The following TRABD2B variants were observed in gnomAD, a reference collection of about 807,000 sequenced individuals.
The protein encoded by TRABD2B is TraB domain containing 2B.
Under a neutral mutation model 40.1 loss-of-function variants are expected in TRABD2B, and 14 were observed. The observed-to-expected ratio is 0.35, with a 90% CI of 0.23 to 0.55. The LOEUF (loss-of-function observed/expected upper bound fraction) is 0.55. TRABD2B is among the 20% of genes least tolerant of loss of function. The probability of loss-of-function intolerance (pLI) is 0.90; values close to 1 mark genes in which losing one functional copy is unlikely to be tolerated. For missense variants in TRABD2B, 541 were observed against 648.6 expected (o/e 0.83, Z 1.80); for synonymous variants, 263 against 277.0 (o/e 0.95, Z 0.50).
At chr1:47,769,775 G>A (rs761825630) in intron 6 of TRABD2B, among the ~76,000 whole-genome samples, 2 of 152,252 alleles carry the variant, frequency 1.3e-5, no homozygotes, top group Non-Finnish European at 1.5e-5. Context: ...CCTCTGCTTG[G>A]GCAGAAGGCA....
chr1:47,989,982 G>C (rs1281834902), intron 2 of TRABD2B, among the ~76,000 whole-genome samples: 8 of 152,108 alleles, frequency 5.3e-5, no homozygotes, highest in Non-Finnish European at 1.2e-4. Context: ...AATAAATCTT[G>C]TTGCATCTCT....
intron 2 of TRABD2B, chr1:47,818,824 T>A (rs1645069988): frequency 1.3e-5 from 2 of 152,248 alleles, no homozygotes; most frequent in African/African-American, 4.8e-5. Flanking sequence ...GGTATTGAAG[T>A]GCTGGGATTT....
intron 2 of TRABD2B, among the ~76,000 whole-genome samples, chr1:47,928,782 C>T (rs754990431): frequency 1.6e-4 from 25 of 152,166 alleles, no homozygotes; most frequent in Non-Finnish European, 2.8e-4. Flanking sequence ...TCCCTCAGGC[C>T]CTCACTCTGA....
rs182013625 is a variant in TRABD2B, at chr1:47,991,483, T to G, written c.666+2551A>C. 7.2e-5 allele frequency among the ~76,000 whole-genome samples: 11 copies of G among 152,324 alleles called. 1 individual carries two copies. Among genetic ancestry groups the G allele is most frequent in the African/African-American group, 2.4e-4 (10 of 41,570 alleles). On this transcript the variant is annotated intron_variant, in intron 2 of 6. Coordinates refer to ENST00000606738, the MANE Select transcript of TRABD2B (RefSeq NM_001194986.2). ...TGTTGGGTCTAGCACCCTCAGTTTA[T>G]TTTGAAATCAAAGACCAAAACCTAA...
chr1:47,830,810 G>A (rs1314032564), intron 2 of TRABD2B, among the ~76,000 whole-genome samples: 3 of 152,094 alleles, frequency 2.0e-5, no homozygotes, highest in Admixed American at 1.3e-4. Flanking sequence ...ACTCTCTGGG[G>A]GACACTAATA....
chr1:47,972,539 C>T (rs555571912), intron 2 of TRABD2B, among the ~76,000 whole-genome samples: 1 of 150,980 alleles, frequency 6.6e-6, no homozygotes, highest in East Asian at 1.9e-4. Context: ...CCTCTTTCCA[C>T]CACATGAGGA....
intron 2 of TRABD2B, among the ~76,000 whole-genome samples, chr1:47,960,846 A>C (rs896121788): frequency 1.3e-5 from 2 of 152,122 alleles, no homozygotes; most frequent in African/African-American, 4.8e-5. Flanking sequence ...TTCTTCACAG[A>C]ATTGGAAAAA....
At chr1:47,824,066 T>C (rs1263625031) in intron 2 of TRABD2B, among the ~76,000 whole-genome samples, 3 of 152,158 alleles carry the variant, frequency 2.0e-5, no homozygotes, top group African/African-American at 7.2e-5. Context: ...AGAGGAAAGT[T>C]GGCAATTCTC....
At position 47,765,892 on chromosome 1, in the gene TRABD2B, G is replaced by A. The variant is rs1440753553; in HGVS notation, c.*10C>T. 4 of 702,846 alleles carry A rather than the reference G, an allele frequency of 5.7e-6. No homozygotes were observed. Among genetic ancestry groups the A allele is most frequent in the African/African-American group, 5.2e-5 (3 of 57,250 alleles). 43.5% of individuals were successfully genotyped at this position (702,846 alleles called of 1,614,324 possible). A position where few individuals can be genotyped will look rare whatever the true frequency, so the allele number is the denominator to read the frequency against. Reference sequence around the variant, plus strand: ...CATTTCTCTGGCTTCTCCACTTGGGGTGGCCGAGGTCAGGAGGGCCCAAGG... The same window carrying A: ...CATTTCTCTGGCTTCTCCACTTGGGATGGCCGAGGTCAGGAGGGCCCAAGG... On this transcript the variant is annotated 3_prime_UTR_variant, in exon 7 of 7. Coordinates refer to ENST00000606738, the MANE Select transcript of TRABD2B (RefSeq NM_001194986.2).
At chr1:47,791,523 T>G (rs1263240364) in intron 4 of TRABD2B, among the ~76,000 whole-genome samples, 2 of 152,178 alleles carry the variant, frequency 1.3e-5, no homozygotes, top group Non-Finnish European at 2.9e-5. Context: ...TATGAGTTAT[T>G]TGGGACCTGG....
chr1:47,771,279 G>A (rs554585721), intron 6 of TRABD2B, among the ~76,000 whole-genome samples: 5 of 152,294 alleles, frequency 3.3e-5, no homozygotes, highest in South Asian at 2.1e-4. Flanking sequence ...AGGGGAAGCT[G>A]AGACCCAGAG....
chr1:47,945,934 G>A (rs185299977), intron 2 of TRABD2B, among the ~76,000 whole-genome samples: 31 of 152,270 alleles, frequency 2.0e-4, no homozygotes, highest in African/African-American at 6.3e-4. Flanking sequence ...TCTGGATGTG[G>A]TAAGTGTATG....
intron 3 of TRABD2B, among the ~76,000 whole-genome samples, chr1:47,798,235 T>C (rs1644774598): frequency 6.6e-6 from 1 of 152,190 alleles, no homozygotes; most frequent in Admixed American, 6.5e-5. Flanking sequence ...GGTAACTACG[T>C]GTCTTGGTTT....
At chr1:47,942,180 A>G (rs927071861) in intron 2 of TRABD2B, among the ~76,000 whole-genome samples, 2 of 152,138 alleles carry the variant, frequency 1.3e-5, no homozygotes, top group Admixed American at 6.5e-5. Context: ...TTTTGTTCTC[A>G]GACTCCCTGG....
chr1:47,884,166 GC>G (rs1644341239), intron 2 of TRABD2B, among the ~76,000 whole-genome samples: 1 of 152,208 alleles, frequency 6.6e-6, no homozygotes, highest in Non-Finnish European at 1.5e-5. Flanking sequence ...TCTTCCCAGA[GC>G]CCTGTAGGGT....
chr1:47,849,079 C>T (rs979719055), intron 2 of TRABD2B, among the ~76,000 whole-genome samples: 1 of 152,190 alleles, frequency 6.6e-6, no homozygotes, highest in Admixed American at 6.5e-5. Context: ...AATTGAGGAT[C>T]ACAGCAGTTA....
chr1:47,861,037 A>G (rs996464596), intron 2 of TRABD2B, among the ~76,000 whole-genome samples: 1 of 152,202 alleles, frequency 6.6e-6, no homozygotes, highest in Non-Finnish European at 1.5e-5. Flanking sequence ...AGCCTTGGTG[A>G]TCATCTCTTC....
intron 2 of TRABD2B, among the ~76,000 whole-genome samples, chr1:47,902,419 C>G (rs1157637955): frequency 6.6e-6 from 1 of 152,080 alleles, no homozygotes; most frequent in Non-Finnish European, 1.5e-5. Context: ...AGAAGGAGTC[C>G]AGGGTCCTCA....
At chr1:47,791,471 G>A (rs1557569875) in intron 4 of TRABD2B, among the ~76,000 whole-genome samples, 1 of 152,178 alleles carries the variant, frequency 6.6e-6, no homozygotes, top group Non-Finnish European at 1.5e-5. Flanking sequence ...CTGCATTCCT[G>A]GTAGTATAGA....
Sources: allele counts gnomAD v4.1 joint callset (sites outside exome capture counted in the v4.1 genomes callset), GRCh38; gene constraint gnomAD v4.1.1; transcripts MANE v1.5; gene names NCBI Gene and HGNC (gene_info 2026-07-23, HGNC 2026-07-21).